SNX27: variants seen among roughly 807,000 people sequenced by gnomAD.
SNX27 encodes sorting nexin 27.
A neutral mutation model predicts 71.6 loss-of-function variants in SNX27; 22 were observed. The observed-to-expected ratio is 0.31, with a 90% CI of 0.22 to 0.44. SNX27 has a LOEUF of 0.44. Among genes scored for constraint, SNX27 ranks in the 20% least tolerant of loss-of-function variants. SNX27 has a pLI of 1.00. For missense variants in SNX27, 531 were observed against 698.6 expected (o/e 0.76, Z 2.70); for synonymous variants, 269 against 277.2 (o/e 0.97, Z 0.29).
At chr1:151,686,193 C>G (rs1356738471) in intron 8 of SNX27, among the ~76,000 whole-genome samples, 1 of 152,286 alleles carries the variant, frequency 6.6e-6, no homozygotes, top group East Asian at 1.9e-4. Context: ...GGAATACATA[C>G]TGTTTCTTTG....
chr1:151,687,229 A>T (rs1258509301), intron 8 of SNX27, among the ~76,000 whole-genome samples: 1 of 151,908 alleles, frequency 6.6e-6, no homozygotes, highest in Non-Finnish European at 1.5e-5. Flanking sequence ...TGAACAGATA[A>T]ATAAAGAGCT....
chr1:151,657,040 G>A (rs1669729243), intron 2 of SNX27, among the ~76,000 whole-genome samples: 1 of 152,170 alleles, frequency 6.6e-6, no homozygotes, highest in African/African-American at 2.4e-5. Flanking sequence ...GAGAAACAGG[G>A]ACATAAGGAT....
Position 151,692,432 on chromosome 1 carries a change from T to TTTTTAAAAAAAA in SNX27, c.1240-3_1240-2insTTTTAAAAAAAA. On this transcript the variant is annotated splice_polypyrimidine_tract_variant and splice_region_variant and intron_variant, in intron 8 of 11. Transcript: ENST00000458013. ...TTTTTTTTTTTTTTTTTTTTTTTTT[T>TTTTTAAAAAAAA]AGTACCTCAACATGCTAAGGACTTG... The TTTTTAAAAAAAA allele has an allele frequency of 2.1e-6, 3 of 1,452,058 alleles. No individual in the cohort carries two copies. The highest frequency in any genetic ancestry group is 2.7e-6 in the Non-Finnish European group (3 of 1,101,916). 89.9% of individuals were successfully genotyped at this position (1,452,058 alleles called of 1,614,324 possible).
intron 1 of SNX27, among the ~76,000 whole-genome samples, chr1:151,634,577 T>C (rs564972120): frequency 1.3e-5 from 2 of 152,354 alleles, no homozygotes; most frequent in Admixed American, 1.3e-4. Flanking sequence ...GGCCTCTCTC[T>C]ATTGGGGCCA....
chr1:151,658,566 A>G, intron 3 of SNX27, 139 bp downstream of exon 3: 2 of 840,780 alleles, frequency 2.4e-6, no homozygotes, highest in Non-Finnish European at 3.6e-6. Flanking sequence ...AATGATCTGA[A>G]CTTTGAAGGC....
intron 1 of SNX27, among the ~76,000 whole-genome samples, chr1:151,638,446 T>G (rs1668570257): frequency 6.6e-6 from 1 of 152,242 alleles, no homozygotes; most frequent in South Asian, 2.1e-4. Flanking sequence ...ATTTATTTTG[T>G]GAAGGTTCTT....
chr1:151,627,606 T>A (rs1455794661), intron 1 of SNX27, among the ~76,000 whole-genome samples: 1 of 152,200 alleles, frequency 6.6e-6, no homozygotes, highest in Non-Finnish European at 1.5e-5. Flanking sequence ...TTTGTTTTTT[T>A]AAATAGAGAT....
intron 8 of SNX27, among the ~76,000 whole-genome samples, chr1:151,687,567 G>T (rs2102732329): frequency 6.6e-6 from 1 of 152,282 alleles, no homozygotes; most frequent in Non-Finnish European, 1.5e-5. Context: ...CCCTTAGCAG[G>T]TTGTTTGGGA....
At chr1:151,623,424 G>A (rs1269150543) in intron 1 of SNX27, among the ~76,000 whole-genome samples, 2 of 152,046 alleles carry the variant, frequency 1.3e-5, no homozygotes, top group Non-Finnish European at 2.9e-5. Context: ...ACAGGCGTGA[G>A]CCACCGCGCC....
At chr1:151,639,388 G>C (rs905010443) in intron 2 of SNX27, among the ~76,000 whole-genome samples, 1 of 152,102 alleles carries the variant, frequency 6.6e-6, no homozygotes, top group Non-Finnish European at 1.5e-5. Context: ...TGTCGTAAAC[G>C]TGTGAGTTTT....
rs1668198132 is a variant in SNX27, at chr1:151,630,875, T to C, written c.312-8013T>C. On this transcript the variant is annotated intron_variant, in intron 1 of 11. Transcript: ENST00000458013. Reference sequence around the variant, plus strand: ...GGTGAAACCCCGTCTCTACTAAAAATACAAAAATTAGCTGGGTGTGGTGGC... The same window carrying C: ...GGTGAAACCCCGTCTCTACTAAAAACACAAAAATTAGCTGGGTGTGGTGGC... Among the ~76,000 whole-genome samples the C allele has an allele frequency of 4.6e-5, 7 of 152,166 alleles. 1 individual carries two copies. The South Asian group carries it at 1.5e-3, about 32-fold the overall frequency.
chr1:151,635,973 A>G lies in SNX27; in HGVS notation c.312-2915A>G, dbSNP rs1187701883. On this transcript the variant is annotated intron_variant, in intron 1 of 11. Transcript: ENST00000458013. The stretch of plus-strand genomic sequence containing the variant: ...AAGGAACGGTGTATTTTGATTTGAA[A>G]ACTGAATGGGTGGAGGTGTGTATTG... Among the ~76,000 whole-genome samples the G allele has an allele frequency of 2.6e-5, 4 of 152,154 alleles. No individual in the cohort carries two copies. In the East Asian group the frequency reaches 7.7e-4, roughly 29 times the overall value.
intron 7 of SNX27, 48 bp from the exon 8 acceptor site, chr1:151,683,308 A>G (rs1671050476): frequency 1.4e-6 from 2 of 1,460,548 alleles, no homozygotes; most frequent in East Asian, 4.6e-5. Flanking sequence ...AATGTACATA[A>G]TAATGATTTT....
In SNX27 at chr1:151,692,556, A is replaced by T; in HGVS notation, c.1361A>T (p.His454Leu). ...TAISITHFKL[H>L]ACTEEGQLEN... ...ATCAGCATCACGCACTTTAAACTGC[A>T]TGCCTGCACTGAAGAAGGACAGCTG... is the stretch of plus-strand genomic sequence containing the variant. The change falls in exon 9 of 12, where the codon CAT becomes CTT. Residue 454 changes from histidine (H) to leucine (L), a missense_variant. Physicochemically the swap from His to Leu is moderately conservative, Grantham distance 99 (BLOSUM62 -3). Around this residue, in one of 5 missense-constraint regions of SNX27, gnomAD observed 157 missense variants for 178.4 expected, o/e 0.88. Transcript: ENST00000458013. The T allele has an allele frequency of 2.5e-6, 4 of 1,613,766 alleles. No individual in the cohort carries two copies. The highest frequency in any genetic ancestry group is 3.4e-6 in the Non-Finnish European group (4 of 1,179,930).
At chr1:151,666,326 C>A (rs1217376890) in intron 6 of SNX27, 3 of 209,392 alleles carry the variant, frequency 1.4e-5, no homozygotes, top group Admixed American at 5.9e-5. Flanking sequence ...TATTTAGCCA[C>A]ATGTTGTTTT....
chr1:151,658,668 G>A (rs1669812082), intron 3 of SNX27, among the ~76,000 whole-genome samples: 1 of 152,058 alleles, frequency 6.6e-6, no homozygotes, highest in Admixed American at 6.5e-5. Context: ...TTTAGTTTTT[G>A]ATGCATTTGG....
At chr1:151,631,759 C>T (rs567838064) in intron 1 of SNX27, among the ~76,000 whole-genome samples, 2 of 152,276 alleles carry the variant, frequency 1.3e-5, no homozygotes, top group South Asian at 2.1e-4. Context: ...AATCTCAGCT[C>T]ACTGCCACCT....
At chr1:151,656,662 C>T (rs187187722) in intron 2 of SNX27, among the ~76,000 whole-genome samples, 7 of 152,300 alleles carry the variant, frequency 4.6e-5, no homozygotes, top group Admixed American at 2.6e-4. Flanking sequence ...GGCATTTATA[C>T]AAATGTCAAT....
chr1:151,612,228 T>C lies in SNX27; in HGVS notation c.27T>C (p.Ile9=). Residue 9 remains isoleucine (I), a synonymous_variant, in exon 1 of 12, where the codon ATT becomes ATC. Coordinates refer to ENST00000458013, the MANE Select transcript of SNX27 (RefSeq NM_001330723.2). This position sits in a 1 kb window ranked among gnomAD's most constrained non-coding sequence, Gnocchi z 5.2. ...TGGCGGACGAGGACGGGGAAGGGAT[T>C]CATCCCTCAGCCCCTCACAGGAACG... The part of the protein sequence containing the change: MADEDGEG[I]HPSAPHRNGG... 7.2e-7 allele frequency: 1 copy of C among 1,393,712 alleles called. No homozygotes were observed. Among genetic ancestry groups the C allele is most frequent in the Non-Finnish European group, 9.3e-7 (1 of 1,073,790 alleles). The allele number at this position is 1,393,712 out of a possible 1,614,324, so 86.3% of individuals were successfully genotyped here.
Sources: allele counts gnomAD v4.1 joint callset (sites outside exome capture counted in the v4.1 genomes callset), GRCh38; gene constraint gnomAD v4.1.1; regional missense constraint gnomAD v4.1.1; non-coding constraint Gnocchi (gnomAD v3.1); transcripts MANE v1.5; gene names NCBI Gene and HGNC (gene_info 2026-07-23, HGNC 2026-07-21).